Variants in CSMD3 observed in about 807,000 individuals in gnomAD.
CSMD3 encodes CUB and sushi domain-containing protein 3.
CSMD3 carries 177 observed loss-of-function variants against 435.2 expected under a neutral mutation model. That is an observed-to-expected ratio of 0.41 (90% confidence interval 0.36 to 0.46). The LOEUF is 0.46. Ranked by LOEUF, CSMD3 falls within the 20% of genes least tolerant of loss-of-function variation. The pLI, the probability that CSMD3 is intolerant of heterozygous loss-of-function variation, is 0.34. For synonymous variants in CSMD3, 1,656 were observed against 1,520.5 expected (o/e 1.09, Z -2.07); for missense variants, 4,265 against 4,504.6 (o/e 0.95, Z 1.52).
At chr8:112,395,692 A>G (rs1352283093) in intron 35 of CSMD3, among the ~76,000 whole-genome samples, 1 of 152,100 alleles carries the variant, frequency 6.6e-6, no homozygotes, top group Non-Finnish European at 1.5e-5. Context: ...CTTATGCCTA[A>G]GGTCATATAT....
chr8:113,099,232 A>C (rs2090260765), intron 4 of CSMD3, among the ~76,000 whole-genome samples: 1 of 152,084 alleles, frequency 6.6e-6, no homozygotes, highest in African/African-American at 2.4e-5. Context: ...CTCTAAAATT[A>C]GACATTAGGA....
At chr8:112,850,226 T>C (rs1055749892) in intron 11 of CSMD3, among the ~76,000 whole-genome samples, 1 of 152,128 alleles carries the variant, frequency 6.6e-6, no homozygotes, top group Non-Finnish European at 1.5e-5. Flanking sequence ...AGAAATGGAG[T>C]GACTAAACTT....
At chr8:112,796,382 A>G (rs1057071880) in intron 13 of CSMD3, among the ~76,000 whole-genome samples, 5 of 152,084 alleles carry the variant, frequency 3.3e-5, no homozygotes, top group African/African-American at 1.2e-4. Context: ...CAAACTTCCT[A>G]TCATCATGGT....
At chr8:112,481,597 A>G (rs1819627492) in intron 31 of CSMD3, among the ~76,000 whole-genome samples, 1 of 152,144 alleles carries the variant, frequency 6.6e-6, no homozygotes, top group South Asian at 2.1e-4. Context: ...ACCTTACAAA[A>G]CTGCTAGTAT....
At chr8:113,157,173 A>ATAGAG (rs1685931275) in intron 4 of CSMD3, among the ~76,000 whole-genome samples, 1 of 152,110 alleles carries the variant, frequency 6.6e-6, no homozygotes, top group African/African-American at 2.4e-5. Flanking sequence ...AAAATTAAAC[A>ATAGAG]TAGAGTATTG....
intron 55 of CSMD3, among the ~76,000 whole-genome samples, chr8:112,291,984 C>T (rs138115735): frequency 6.6e-6 from 1 of 151,900 alleles, no homozygotes; most frequent in Non-Finnish European, 1.5e-5. Context: ...TATAGCTGAA[C>T]TGTAAGAAAA....
At chr8:113,408,513 G>A (rs1265639102) in intron 1 of CSMD3, among the ~76,000 whole-genome samples, 9 of 152,062 alleles carry the variant, frequency 5.9e-5, no homozygotes, top group East Asian at 1.9e-4. Flanking sequence ...AGTGGAGCTC[G>A]ATTCTATAGT....
intron 22 of CSMD3, among the ~76,000 whole-genome samples, 178 bp from the exon 23 acceptor site, chr8:112,587,413 G>A (rs1054668810): frequency 9.9e-5 from 15 of 151,616 alleles, no homozygotes; most frequent in African/African-American, 3.4e-4. Flanking sequence ...CATATGGGTG[G>A]AAGAGACTAC....
At chr8:112,246,075 C>T (rs1363679407) in intron 64 of CSMD3, among the ~76,000 whole-genome samples, 3 of 151,958 alleles carry the variant, frequency 2.0e-5, no homozygotes, top group African/African-American at 7.3e-5. Flanking sequence ...AGTTACAGCC[C>T]GCACAGCTGT....
In CSMD3 at chr8:113,360,229, C is replaced by A. The variant is rs79132058; in HGVS notation, c.179-45436G>T. Among the ~76,000 whole-genome samples the A allele has an allele frequency of 9.0e-3, 1,376 of 152,224 alleles. 14 individuals carry two copies. Among genetic ancestry groups the A allele is most frequent in the African/African-American group, 0.032 (1,324 of 41,522 alleles). ...CATAGAGGCAGTCAAGTACCAGTGACAAGAGTAGCTCTGGATTCAGACAGA... is the reference window on the plus strand; with the variant it reads ...CATAGAGGCAGTCAAGTACCAGTGAAAAGAGTAGCTCTGGATTCAGACAGA... On this transcript the variant is annotated intron_variant, in intron 1 of 70. Coordinates refer to ENST00000297405, the MANE Select transcript of CSMD3 (RefSeq NM_198123.2).
At position 112,472,703 on chromosome 8, in the gene CSMD3, G is replaced by T. The variant is rs139551056; in HGVS notation, c.5283C>A (p.Pro1761=). 205 of 1,594,678 alleles carry T rather than the reference G, an allele frequency of 1.3e-4. No homozygotes were observed. The African/African-American group carries it at 2.6e-3, about 20-fold the overall frequency. ...CTGAACCTGTTGAACGACTTCCACA[G>T]GGCGCTAGGAAAAAATGGCAAAAAT... ...WNRALPSCHA[P]CGSRSTGSEG... is the part of the protein sequence containing the mutation. The change falls in exon 32 of 71, where the codon CCC becomes CCA. Residue 1761 remains proline, a synonymous_variant. Coordinates refer to ENST00000297405, the MANE Select transcript of CSMD3 (RefSeq NM_198123.2).
chr8:112,326,616 T>C (rs890560729), intron 45 of CSMD3, among the ~76,000 whole-genome samples: 1 of 152,232 alleles, frequency 6.6e-6, no homozygotes, highest in Non-Finnish European at 1.5e-5. Context: ...CCCATACTCA[T>C]GTAACTTCAA....
In CSMD3 at chr8:112,877,282, T is replaced by C. The variant is rs532460925; in HGVS notation, c.1634-18016A>G. ...ACTTTAAATTTCTTTTTTTTTTTAA[T>C]TTGAGAAAGTTTCACTCTTGTTGCC... is the stretch of plus-strand genomic sequence containing the variant. On this transcript the variant is annotated intron_variant, in intron 10 of 70. Coordinates refer to ENST00000297405, the MANE Select transcript of CSMD3 (RefSeq NM_198123.2). Among the ~76,000 whole-genome samples, 233 of 151,672 alleles carry C rather than the reference T, an allele frequency of 1.5e-3. 1 individual carries two copies. The highest frequency in any genetic ancestry group is 5.3e-3 in the African/African-American group (220 of 41,322).
intron 3 of CSMD3, among the ~76,000 whole-genome samples, chr8:113,274,496 C>T (rs2093554394): frequency 6.6e-6 from 1 of 152,044 alleles, no homozygotes; most frequent in African/African-American, 2.4e-5. Flanking sequence ...AGCAAATTGA[C>T]ATCAGTGCAA....
chr8:112,994,705 T>C (rs966659774), intron 6 of CSMD3, among the ~76,000 whole-genome samples: 2 of 151,564 alleles, frequency 1.3e-5, no homozygotes, highest in African/African-American at 2.4e-5. Context: ...TACAGAGACA[T>C]CACACATCTT....
chr8:113,158,711 TATTCTG>T (rs2091980922), intron 4 of CSMD3, among the ~76,000 whole-genome samples: 1 of 151,970 alleles, frequency 6.6e-6, no homozygotes, highest in African/African-American at 2.4e-5. Flanking sequence ...ATACATTTTG[TATTCTG>T]ATTCTGATTT....
At chr8:113,117,879 G>C (rs1290949559) in intron 4 of CSMD3, among the ~76,000 whole-genome samples, 1 of 152,168 alleles carries the variant, frequency 6.6e-6, no homozygotes, top group Non-Finnish European at 1.5e-5. Flanking sequence ...CTCCCACTTG[G>C]AGCAGGCGTA....
chr8:112,645,968 C>T (rs1008707316), intron 19 of CSMD3, among the ~76,000 whole-genome samples: 5 of 152,034 alleles, frequency 3.3e-5, no homozygotes, highest in African/African-American at 1.2e-4. Context: ...TTTGTTGACT[C>T]CTTATTCACT....
At chr8:112,481,204 AAAG>A (rs968040112) in intron 31 of CSMD3, among the ~76,000 whole-genome samples, 11 of 152,158 alleles carry the variant, frequency 7.2e-5, no homozygotes, top group South Asian at 4.1e-4. Context: ...TAGAAGAAGA[AAAG>A]AAGAAGGAGG....
Sources: allele counts gnomAD v4.1 joint callset (sites outside exome capture counted in the v4.1 genomes callset), GRCh38; gene constraint gnomAD v4.1.1; transcripts MANE v1.5; gene names NCBI Gene and HGNC (gene_info 2026-07-23, HGNC 2026-07-21).